IAH1: variants seen among roughly 807,000 people sequenced by gnomAD.
The protein encoded by IAH1 is isoamyl acetate hydrolyzing esterase 1 (putative).
A neutral mutation model predicts 26.7 loss-of-function variants in IAH1; 24 were observed. The ratio of observed to expected loss-of-function variants is 0.90; its 90% CI spans 0.65 to 1.26. The LOEUF (loss-of-function observed/expected upper bound fraction) is 1.26, where lower values mean the gene tolerates loss of function less well. Among genes scored for constraint, IAH1 ranks in the 50% most tolerant of loss-of-function variants. The probability of loss-of-function intolerance (pLI) is 0.00; values close to 1 mark genes in which losing one functional copy is unlikely to be tolerated. For synonymous variants in IAH1, 140 were observed against 118.5 expected (o/e 1.18, Z -1.18); for missense variants, 300 against 299.9 (o/e 1.00, Z 0.00).
At chr2:9,499,592 C>T (rs1300837996), downstream of IAH1, among the ~76,000 whole-genome samples, 2 of 152,098 alleles carry the variant, frequency 1.3e-5, no homozygotes, top group Non-Finnish European at 2.9e-5. Context: ...TTAGTAGACA[C>T]AGGGTTTCAC....
downstream of IAH1, among the ~76,000 whole-genome samples, chr2:9,498,509 T>C (rs902941749): frequency 1.3e-5 from 2 of 152,250 alleles, no homozygotes; most frequent in African/African-American, 4.8e-5. Context: ...TGGACTGGCC[T>C]TTCAGCTGAA....
At chr2:9,487,817 TGTGTGTGTGTGTGTGTGCGCGCGCGC>T (rs1195353867) in intron 5 of IAH1, among the ~76,000 whole-genome samples, 28 of 95,020 alleles carry the variant, frequency 2.9e-4, no homozygotes, top group South Asian at 1.2e-3. Flanking sequence ...TGTGTGTGTG[TGTGTGTGTGTGTGTGTGCGCGCGCGC>T]GCGCGCGCTG....
intron 5 of IAH1, among the ~76,000 whole-genome samples, chr2:9,487,825 T>TGTGTGC (rs1661651868): frequency 9.4e-6 from 1 of 106,198 alleles, no homozygotes; most frequent in African/African-American, 3.8e-5. Context: ...TGTGTGTGTG[T>TGTGTGC]GTGTGTGTGC....
At chr2:9,507,550 A>G in the IAH1 span, among the ~76,000 whole-genome samples, 1 of 152,142 alleles carries the variant, frequency 6.6e-6, no homozygotes, top group African/African-American at 2.4e-5. Context: ...GAAGATGCAC[A>G]TTATCTTCTT....
the IAH1 span, chr2:9,505,182 C>A: frequency 6.2e-7 from 1 of 1,614,222 alleles, no homozygotes; most frequent in Non-Finnish European, 8.5e-7. Flanking sequence ...TGGACACCTT[C>A]CTTCAACGTG....
Position 9,488,213 on chromosome 2 carries a change from C to A in IAH1, c.631C>A (p.His211Asn), listed in dbSNP as rs1433546088. 1.2e-6 allele frequency: 2 copies of A among 1,613,328 alleles called. No homozygotes were observed. The highest frequency in any genetic ancestry group is 1.7e-6 in the Non-Finnish European group (2 of 1,179,730). ...SPKGNEFLFS[H>N]LWPLIEKKVS... is the part of the protein sequence containing the mutation. ...AAAGGGGAATGAATTTTTGTTCTCG[C>A]ATCTCTGGCCTTTGATAGAGAAAAA... Residue 211 changes from histidine (H) to asparagine (N), a missense_variant, in exon 6 of 6, where the codon CAT becomes AAT. Coordinates refer to ENST00000497473, the MANE Select transcript of IAH1 (RefSeq NM_001039613.3).
downstream of IAH1, chr2:9,490,055 A>G: frequency 2.1e-6 from 2 of 945,328 alleles, no homozygotes; most frequent in Admixed American, 5.7e-5. Flanking sequence ...GGAAGTTCAA[A>G]CACATGACCA....
chr2:9,497,322 G>C (rs889588348), downstream of IAH1: 49 of 1,573,966 alleles, frequency 3.1e-5, no homozygotes, highest in African/African-American at 4.9e-4. Context: ...ATAATACGCT[G>C]TTTCTCATAC....
At chr2:9,490,087 AG>A, downstream of IAH1, 1 of 1,244,654 alleles carries the variant, frequency 8.0e-7, no homozygotes, top group South Asian at 1.5e-5. Context: ...GTCACTTCCC[AG>A]TCTTCACAAA....
chr2:9,499,411 T>G (rs188749928), downstream of IAH1, among the ~76,000 whole-genome samples: 53 of 151,282 alleles, frequency 3.5e-4, no homozygotes, highest in African/African-American at 9.5e-4. Flanking sequence ...GTTTTTTTGG[T>G]TTTTTTTTGA....
upstream of IAH1, chr2:9,474,528 C>A (rs1207102223): frequency 5.2e-6 from 7 of 1,354,480 alleles, no homozygotes; most frequent in African/African-American, 3.2e-5. This position sits in a 1 kb window ranked among gnomAD's most constrained non-coding sequence, Gnocchi z 4.3. Context: ...AGGCGCCTCT[C>A]GTGGCTGGCG....
chr2:9,502,050 C>G, the IAH1 span: 1 of 858,004 alleles, frequency 1.2e-6, no homozygotes, highest in Non-Finnish European at 1.8e-6. Context: ...GTGCCAGAAA[C>G]TCAACCCGGC....
the IAH1 span, among the ~76,000 whole-genome samples, chr2:9,504,435 C>T: frequency 3.3e-5 from 5 of 150,944 alleles, no homozygotes; most frequent in African/African-American, 9.8e-5. Flanking sequence ...CAGAGCGAGA[C>T]GCCGTCTCAA....
upstream of IAH1, chr2:9,474,471 G>C: frequency 1.6e-6 from 1 of 624,132 alleles, no homozygotes; most frequent in Non-Finnish European, 2.5e-6. The surrounding 1 kb of genome is among the most constrained non-coding windows in gnomAD (Gnocchi z 4.3). Flanking sequence ...GTGACTGCGT[G>C]GGTGCCCACG....
chr2:9,474,904 G>A lies in IAH1; in HGVS notation c.81+257G>A. On this transcript the variant is annotated intron_variant, in intron 1 of 5. Transcript: ENST00000497473. This position sits in a 1 kb window ranked among gnomAD's most constrained non-coding sequence, Gnocchi z 4.3. ...AGACGCGAGGGGACCCGGCCGCGCT[G>A]CCCGCCCCGCGCCGCCTCCCACCCG... 1.6e-6 allele frequency: 1 copy of A among 636,798 alleles called. No homozygotes were observed. Among genetic ancestry groups the A allele is most frequent in the South Asian group, 4.8e-5 (1 of 20,776 alleles). The allele number at this position is 636,798 out of a possible 1,614,324, so 39.4% of individuals were successfully genotyped here. A position where few individuals can be genotyped will look rare whatever the true frequency, so the allele number is the denominator to read the frequency against.
intron 1 of IAH1, chr2:9,475,111 G>A: frequency 2.4e-6 from 3 of 1,269,308 alleles, no homozygotes; most frequent in Non-Finnish European, 3.1e-6. Flanking sequence ...GGGCCGTTAG[G>A]GGTTGACCTT....
downstream of IAH1, chr2:9,491,071 G>A: frequency 6.2e-7 from 1 of 1,602,390 alleles, no homozygotes; most frequent in Non-Finnish European, 8.5e-7. Context: ...ACCAGGCGAA[G>A]ATTATGTTTC....
chr2:9,493,194 A>T (rs1336873697), downstream of IAH1, among the ~76,000 whole-genome samples: 2 of 152,216 alleles, frequency 1.3e-5, no homozygotes, highest in Non-Finnish European at 2.9e-5. Flanking sequence ...ATACTGGCTG[A>T]CAGGAAGAGA....
intron 6 of IAH1, among the ~76,000 whole-genome samples, chr2:9,496,128 C>T (rs915414460): frequency 6.6e-6 from 1 of 151,644 alleles, no homozygotes; most frequent in South Asian, 2.1e-4. Context: ...TTATTTTTTA[C>T]TTATTTATTT....
Sources: allele counts gnomAD v4.1 joint callset (sites outside exome capture counted in the v4.1 genomes callset), GRCh38; gene constraint gnomAD v4.1.1; non-coding constraint Gnocchi (gnomAD v3.1); transcripts MANE v1.5; gene names NCBI Gene and HGNC (gene_info 2026-07-23, HGNC 2026-07-21).